The following MAP3K13 variants were observed in gnomAD, a reference collection of about 807,000 sequenced individuals.
MAP3K13 encodes mitogen-activated protein kinase kinase kinase 13.
Under a neutral mutation model 104.0 loss-of-function variants are expected in MAP3K13, and 52 were observed. The observed-to-expected ratio is 0.50, with a 90% confidence interval of 0.40 to 0.63. The LOEUF (loss-of-function observed/expected upper bound fraction) is 0.63, where lower values mean the gene tolerates loss of function less well. MAP3K13 is among the 20% of genes least tolerant of loss of function. MAP3K13 has a pLI of 0.00. For synonymous variants in MAP3K13, 394 were observed against 442.2 expected (o/e 0.89, Z 1.37); for missense variants, 914 against 1,218.5 (o/e 0.75, Z 3.72).
At chr3:185,471,377 C>G (rs1346948174) in intron 10 of MAP3K13, among the ~76,000 whole-genome samples, 1 of 146,086 alleles carries the variant, frequency 6.8e-6, no homozygotes, top group East Asian at 2.0e-4. Flanking sequence ...AACTCCTGGC[C>G]TCAAGCAATC....
At chr3:185,301,323 T>A (rs1331822669) in intron 2 of MAP3K13, among the ~76,000 whole-genome samples, 2 of 113,878 alleles carry the variant, frequency 1.8e-5, no homozygotes, top group South Asian at 2.7e-4. Context: ...GGATTTTTTT[T>A]TTTTTATTAT....
intron 2 of MAP3K13, among the ~76,000 whole-genome samples, chr3:185,340,660 C>A (rs1382889788): frequency 6.6e-6 from 1 of 152,102 alleles, no homozygotes; most frequent in Non-Finnish European, 1.5e-5. Context: ...ATAATCCTCA[C>A]GTGTCAAGGG....
At chr3:185,470,887 A>G (rs750730397) in intron 10 of MAP3K13, among the ~76,000 whole-genome samples, 12 of 152,340 alleles carry the variant, frequency 7.9e-5, no homozygotes, top group Admixed American at 4.6e-4. Flanking sequence ...GTAAGTGATG[A>G]TATCAGCCAT....
intron 10 of MAP3K13, among the ~76,000 whole-genome samples, chr3:185,469,747 G>A (rs1173349760): frequency 6.6e-6 from 1 of 152,120 alleles, no homozygotes; most frequent in East Asian, 1.9e-4. Flanking sequence ...CAGGCTCTTA[G>A]GCCCCACCCC....
intron 1 of MAP3K13, among the ~76,000 whole-genome samples, chr3:185,405,393 C>T (rs1403291811): frequency 6.6e-6 from 1 of 152,200 alleles, no homozygotes. Context: ...AAAAGAGACT[C>T]GTTAGCCCAG....
intron 2 of MAP3K13, among the ~76,000 whole-genome samples, chr3:185,310,709 GAAA>G (rs998900265): frequency 1.3e-4 from 19 of 151,178 alleles, no homozygotes; most frequent in African/African-American, 3.9e-4. Context: ...AGCACAAAGA[GAAA>G]AAAAGAGTGA....
At position 185,486,719 on chromosome 3, in the gene MAP3K13, G is replaced by C. The variant is rs755373307; in HGVS notation, c.*4263G>C. ...GTCTGTTTTTAACTGACTGCAAGAT[G>C]ATGAGTTTTAATTTGGGTTGCAGAT... On this transcript the variant is annotated 3_prime_UTR_variant, in exon 14 of 14. Transcript: ENST00000265026. 6.6e-6 allele frequency: 1 copy of C among 152,224 alleles called. No individual in the cohort carries two copies. The highest frequency in any genetic ancestry group is 2.4e-5 in the African/African-American group (1 of 41,456). The allele number at this position is 152,224 out of a possible 1,614,324, so 9.4% of individuals were successfully genotyped here. A position where few individuals can be genotyped will look rare whatever the true frequency, so the allele number is the denominator to read the frequency against.
intron 1 of MAP3K13, among the ~76,000 whole-genome samples, chr3:185,415,269 C>G (rs1713682276): frequency 6.6e-6 from 1 of 152,054 alleles, no homozygotes; most frequent in Non-Finnish European, 1.5e-5. Flanking sequence ...TCTCATGCCT[C>G]AGCCTCCTGA....
intron 4 of MAP3K13, among the ~76,000 whole-genome samples, chr3:185,444,915 C>T (rs190220559): frequency 1.3e-5 from 2 of 152,070 alleles, no homozygotes; most frequent in Non-Finnish European, 2.9e-5. Flanking sequence ...CCCAGAAGGT[C>T]AAGCCTACAG....
At chr3:185,354,777 T>C (rs1723283898) in intron 2 of MAP3K13, among the ~76,000 whole-genome samples, 2 of 152,200 alleles carry the variant, frequency 1.3e-5, no homozygotes, top group Admixed American at 1.3e-4. Context: ...CATTTTGTAT[T>C]GTTACTCATC....
intron 2 of MAP3K13, among the ~76,000 whole-genome samples, chr3:185,325,486 C>T (rs761714306): frequency 1.3e-5 from 2 of 152,170 alleles, no homozygotes; most frequent in Non-Finnish European, 2.9e-5. Flanking sequence ...AACTTGCAGC[C>T]GTCACGTGTG....
intron 2 of MAP3K13, among the ~76,000 whole-genome samples, chr3:185,325,492 G>A (rs7633909): frequency 0.18 from 26,810 of 152,092 alleles, 2,488 homozygotes; most frequent in Non-Finnish European, 0.19. Context: ...CAGCCGTCAC[G>A]TGTGTCGCTT....
intron 4 of MAP3K13, among the ~76,000 whole-genome samples, chr3:185,444,572 G>C (rs901815308): frequency 6.6e-6 from 1 of 152,048 alleles, no homozygotes; most frequent in African/African-American, 2.4e-5. Flanking sequence ...GAGAAGCAGG[G>C]CTATTTCTAG....
At chr3:185,437,034 T>TAAA (rs1715076496) in intron 2 of MAP3K13, among the ~76,000 whole-genome samples, 1 of 81,010 alleles carries the variant, frequency 1.2e-5, no homozygotes, top group Non-Finnish European at 2.8e-5. Context: ...AAAAAAAAAT[T>TAAA]AGCAAAGATT....
At chr3:185,339,538 G>A (rs1722640850) in intron 2 of MAP3K13, among the ~76,000 whole-genome samples, 1 of 152,174 alleles carries the variant, frequency 6.6e-6, no homozygotes, top group Non-Finnish European at 1.5e-5. Context: ...TGACTGTGAT[G>A]CATGCTAAAC....
At chr3:185,377,982 G>A (rs151282210) in intron 1 of MAP3K13, among the ~76,000 whole-genome samples, 1,839 of 152,244 alleles carry the variant, frequency 0.012, 35 homozygotes, top group African/African-American at 0.042. Context: ...CCAGATTTCC[G>A]GCACTTGTAG....
intron 1 of MAP3K13, among the ~76,000 whole-genome samples, chr3:185,394,532 A>C (rs553032395): frequency 2.6e-4 from 40 of 152,292 alleles, no homozygotes; most frequent in Middle Eastern, 6.8e-3. Flanking sequence ...ATTATGGCCT[A>C]AAGAGTTCAA....
chr3:185,482,128 T>G lies in MAP3K13; in HGVS notation c.2800-227T>G, dbSNP rs1265329666. Among the ~76,000 whole-genome samples the G allele has an allele frequency of 6.6e-6, 1 of 152,220 alleles. No individual in the cohort carries two copies. The highest frequency in any genetic ancestry group is 6.5e-5 in the Admixed American group (1 of 15,286). ...AGTACTTACAACAGTGCCTGGAGCA[T>G]AGTAAACGCTATATAAGTGGTTGTG... On this transcript the variant is annotated intron_variant, in intron 13 of 13. Coordinates refer to ENST00000265026, the MANE Select transcript of MAP3K13 (RefSeq NM_004721.5). This position sits in a 1 kb window ranked among gnomAD's most constrained non-coding sequence, Gnocchi z 4.5.
chr3:185,466,534 G>A lies in MAP3K13; in HGVS notation c.1506-292G>A, dbSNP rs1006395074. Among the ~76,000 whole-genome samples, 9 of 151,844 alleles carry A rather than the reference G, an allele frequency of 5.9e-5. No individual in the cohort carries two copies. In the South Asian group the frequency reaches 1.7e-3, roughly 28 times the overall value. ...TGAGACTACAGGTGCATGCCACCATGCCCAGCTAATTTTTGTATTTTTAGT... is the reference window on the plus strand; with the variant it reads ...TGAGACTACAGGTGCATGCCACCATACCCAGCTAATTTTTGTATTTTTAGT... On this transcript the variant is annotated intron_variant, in intron 9 of 13. Coordinates refer to ENST00000265026, the MANE Select transcript of MAP3K13 (RefSeq NM_004721.5).
Sources: allele counts gnomAD v4.1 joint callset (sites outside exome capture counted in the v4.1 genomes callset), GRCh38; gene constraint gnomAD v4.1.1; non-coding constraint Gnocchi (gnomAD v3.1); transcripts MANE v1.5; gene names NCBI Gene and HGNC (gene_info 2026-07-23, HGNC 2026-07-21).